Variants in APOO observed in about 807,000 individuals in gnomAD.
The protein encoded by APOO is MICOS complex subunit MIC26.
A neutral mutation model predicts 23.1 loss-of-function variants in APOO; 11 were observed. That is an observed-to-expected ratio of 0.48 (90% CI 0.30 to 0.79). The LOEUF is 0.79. APOO is among the 30% of genes least tolerant of loss of function. APOO has a pLI of 0.07. For synonymous variants in APOO, 59 were observed against 54.8 expected, an observed-to-expected ratio of 1.08 and a Z score of -0.34; for missense variants, 160 against 142.7, an observed-to-expected ratio of 1.12 and a Z score of -0.62.
At chrX:23,895,507 G>A (rs751397264) in intron 1 of APOO, among the ~76,000 whole-genome samples, 12 of 111,361 alleles carry the variant, frequency 1.1e-4, no homozygotes, top group African/African-American at 3.6e-4. Context: ...GGAGGGCAAG[G>A]GGAGGGAGAC....
chrX:23,866,767 T>C (rs1270220540), intron 5 of APOO, among the ~76,000 whole-genome samples: 2 of 104,979 alleles, frequency 1.9e-5, no homozygotes, highest in Admixed American at 1.0e-4. Context: ...CCAGCCTGGG[T>C]GACAGAGTGA....
chrX:23,867,139 GAAACGAAACT>G (rs1286701451), intron 5 of APOO, among the ~76,000 whole-genome samples: 54 of 108,298 alleles, frequency 5.0e-4, no homozygotes, highest in African/African-American at 1.6e-3. Context: ...GAAACGAAAC[GAAACGAAACT>G]AAACTAAACT....
chrX:23,887,044 G>C (rs1014772580), intron 1 of APOO, among the ~76,000 whole-genome samples: 1 of 109,184 alleles, frequency 9.2e-6, no homozygotes, highest in Non-Finnish European at 1.9e-5. Context: ...CAGGGTCTGG[G>C]ACATAATAAA....
chrX:23,856,469 T>C, intron 6 of APOO, 87 bp from the exon 7 acceptor site: 1 of 735,260 alleles, frequency 1.4e-6, no homozygotes, highest in South Asian at 2.4e-5. Context: ...CATTTTACTA[T>C]AAAGATATAT....
chrX:23,904,516 T>G (rs1004930873), intron 1 of APOO, among the ~76,000 whole-genome samples: 1 of 102,796 alleles, frequency 9.7e-6, no homozygotes, highest in African/African-American at 3.5e-5. Flanking sequence ...TTTTTTTTTT[T>G]TTTTTTTTTT....
intron 1 of APOO, among the ~76,000 whole-genome samples, chrX:23,896,410 G>A (rs899124851): frequency 3.6e-5 from 4 of 111,845 alleles, no homozygotes; most frequent in South Asian, 3.7e-4. Context: ...GCTAGCTCCT[G>A]AGGATATTAT....
intron 1 of APOO, among the ~76,000 whole-genome samples, chrX:23,885,104 T>C (rs748221727): frequency 5.4e-5 from 6 of 110,430 alleles, no homozygotes; most frequent in South Asian, 3.8e-4. Flanking sequence ...TTATTTCTCA[T>C]AAAGCACAGT....
intron 5 of APOO, among the ~76,000 whole-genome samples, chrX:23,862,000 T>C (rs907279706): frequency 1.8e-4 from 20 of 109,333 alleles, no homozygotes; most frequent in African/African-American, 6.0e-4. Flanking sequence ...GATGGGGTTT[T>C]CCCATGTTGG....
intron 8 of APOO, chrX:23,836,594 T>G: frequency 1.6e-6 from 1 of 631,591 alleles, no homozygotes; most frequent in Non-Finnish European, 2.3e-6. Context: ...ACCACAGGCG[T>G]GAGCCACCAC....
chrX:23,848,962 T>C (rs1182920907), intron 7 of APOO, among the ~76,000 whole-genome samples: 2 of 106,510 alleles, frequency 1.9e-5, no homozygotes, highest in Non-Finnish European at 3.9e-5. Context: ...GTTCACGCCA[T>C]TCTCCTGCCT....
At chrX:23,890,932 A>C (rs1360467336) in intron 1 of APOO, among the ~76,000 whole-genome samples, 1 of 111,727 alleles carries the variant, frequency 9.0e-6, no homozygotes, top group Non-Finnish European at 1.9e-5. Context: ...TTACTACTAA[A>C]TGCACCTAAA....
chrX:23,892,029 T>C (rs1278536785), intron 1 of APOO, among the ~76,000 whole-genome samples: 1 of 110,263 alleles, frequency 9.1e-6, no homozygotes, highest in Non-Finnish European at 1.9e-5. Context: ...TTAATGATCC[T>C]ACAAGCCACA....
chrX:23,843,562 A>T (rs1924092699), intron 7 of APOO, among the ~76,000 whole-genome samples: 1 of 107,164 alleles, frequency 9.3e-6, no homozygotes, highest in Non-Finnish European at 1.9e-5. Flanking sequence ...CACGTCCATG[A>T]ACACAAATGA....
intron 5 of APOO, among the ~76,000 whole-genome samples, chrX:23,863,959 A>T (rs1201405763): frequency 1.8e-5 from 2 of 108,898 alleles, no homozygotes; most frequent in Non-Finnish European, 1.9e-5. Flanking sequence ...TTGCTGTGGG[A>T]CCCATATAGA....
chrX:23,842,153 C>T (rs1924013068), intron 7 of APOO, among the ~76,000 whole-genome samples: 1 of 111,478 alleles, frequency 9.0e-6, no homozygotes. Context: ...CTTCAGGAGG[C>T]CGAGGCGGGT....
chrX:23,902,230 A>G (rs1278805617), intron 1 of APOO, among the ~76,000 whole-genome samples: 1 of 111,797 alleles, frequency 8.9e-6, no homozygotes, highest in Non-Finnish European at 1.9e-5. Context: ...ACGGACCTTT[A>G]ATGTCTGTGC....
intron 7 of APOO, among the ~76,000 whole-genome samples, chrX:23,852,430 C>G (rs867336026): frequency 9.1e-6 from 1 of 110,184 alleles, no homozygotes; most frequent in Non-Finnish European, 1.9e-5. Flanking sequence ...AACCCCATCT[C>G]TACTAAAAAT....
intron 1 of APOO, among the ~76,000 whole-genome samples, chrX:23,898,418 T>C (rs1926995293): frequency 9.0e-6 from 1 of 110,996 alleles, no homozygotes; most frequent in Non-Finnish European, 1.9e-5. Flanking sequence ...CCGGGTTTCA[T>C]ATCTTAACAG....
intron 1 of APOO, among the ~76,000 whole-genome samples, chrX:23,888,324 G>C (rs1926463507): frequency 8.9e-6 from 1 of 111,964 alleles, no homozygotes; most frequent in African/African-American, 3.2e-5. Context: ...AAGGACTGAT[G>C]TTGGCAAAAC....
Sources: allele counts gnomAD v4.1 joint callset (sites outside exome capture counted in the v4.1 genomes callset), GRCh38; gene constraint gnomAD v4.1.1; transcripts MANE v1.5; gene names NCBI Gene and HGNC (gene_info 2026-07-23, HGNC 2026-07-21).